CADM2: variants seen among roughly 807,000 people sequenced by gnomAD.
The protein encoded by CADM2 is immunoglobulin superfamily member 4D.
CADM2 carries 12 observed loss-of-function variants against 49.8 expected under a neutral mutation model. The ratio of observed to expected loss-of-function variants is 0.24; its 90% CI spans 0.15 to 0.39. CADM2 has a LOEUF of 0.39. Ranked by LOEUF, CADM2 falls within the 10% of genes least tolerant of loss-of-function variation. The pLI is 1.00. For missense variants in CADM2, 378 were observed against 492.3 expected, an observed-to-expected ratio of 0.77 and a Z score of 2.20; for synonymous variants, 214 against 175.4, an observed-to-expected ratio of 1.22 and a Z score of -1.74.
chr3:85,408,008 A>AC (rs1188160163), intron 1 of CADM2, among the ~76,000 whole-genome samples: 1 of 43,376 alleles, frequency 2.3e-5, no homozygotes, highest in Non-Finnish European at 6.0e-5. Flanking sequence ...ACAAAACAAA[A>AC]CCAAAAAAAA....
At chr3:85,128,962 T>C (rs982260693) in intron 1 of CADM2, among the ~76,000 whole-genome samples, 3 of 152,188 alleles carry the variant, frequency 2.0e-5, no homozygotes, top group African/African-American at 4.8e-5. Flanking sequence ...AAAATAGATA[T>C]ACCTACCAGC....
At chr3:85,776,702 A>T (rs532255755) in intron 2 of CADM2, among the ~76,000 whole-genome samples, 2 of 152,238 alleles carry the variant, frequency 1.3e-5, no homozygotes, top group Non-Finnish European at 2.9e-5. Context: ...CAGAAATGTA[A>T]TATTTCAATA....
intron 1 of CADM2, among the ~76,000 whole-genome samples, chr3:85,567,065 T>G (rs535521019): frequency 5.4e-4 from 83 of 152,332 alleles, no homozygotes; most frequent in Non-Finnish European, 1.1e-3. Flanking sequence ...ATCCAAAATG[T>G]GTCATATTCC....
intron 1 of CADM2, among the ~76,000 whole-genome samples, chr3:85,553,286 C>G (rs1410414039): frequency 3.6e-5 from 1 of 27,914 alleles, no homozygotes; most frequent in African/African-American, 6.6e-5. Context: ...TACTCTAGAT[C>G]TAGTTTATTG....
chr3:85,319,371 G>A (rs1377528962), intron 1 of CADM2, among the ~76,000 whole-genome samples: 1 of 152,128 alleles, frequency 6.6e-6, no homozygotes, highest in Non-Finnish European at 1.5e-5. Context: ...CATCCACTGT[G>A]GAAAGCTGTG....
chr3:85,158,765 A>C (rs1576008808), intron 1 of CADM2, among the ~76,000 whole-genome samples: 1 of 152,088 alleles, frequency 6.6e-6, no homozygotes, highest in South Asian at 2.1e-4. Context: ...TGGGTGCAGC[A>C]CACCAGCATG....
intron 1 of CADM2, among the ~76,000 whole-genome samples, chr3:85,376,161 G>A (rs2033583497): frequency 1.3e-5 from 2 of 151,734 alleles, no homozygotes; most frequent in Admixed American, 6.6e-5. Flanking sequence ...TGTTTTAGGA[G>A]TACTCTTAAA....
At chr3:86,059,612 A>T (rs961720819) in intron 8 of CADM2, among the ~76,000 whole-genome samples, 18 of 152,210 alleles carry the variant, frequency 1.2e-4, no homozygotes, top group African/African-American at 4.1e-4. Context: ...ATGATCTTTA[A>T]CAATACATGA....
intron 1 of CADM2, among the ~76,000 whole-genome samples, chr3:85,352,732 A>G (rs2031469267): frequency 6.6e-6 from 1 of 152,144 alleles, no homozygotes; most frequent in African/African-American, 2.4e-5. Flanking sequence ...TTATGAGTTA[A>G]AAAGAAAATC....
intron 8 of CADM2, among the ~76,000 whole-genome samples, chr3:86,023,466 T>C (rs13062471): frequency 0.28 from 42,042 of 151,844 alleles, 6,881 homozygotes; most frequent in African/African-American, 0.46. Flanking sequence ...TCAAGCAATT[T>C]TCCTGTCTTG....
intron 1 of CADM2, among the ~76,000 whole-genome samples, chr3:85,476,192 A>G (rs1056894601): frequency 2.0e-5 from 3 of 151,988 alleles, no homozygotes; most frequent in Non-Finnish European, 4.4e-5. Context: ...GGTCAAAGTC[A>G]TATAGATATG....
At chr3:85,577,830 G>A (rs1576849799) in intron 1 of CADM2, among the ~76,000 whole-genome samples, 1 of 151,826 alleles carries the variant, frequency 6.6e-6, no homozygotes, top group Admixed American at 6.6e-5. Flanking sequence ...ACCTTTCTGT[G>A]TAACATCAGA....
At chr3:85,045,100 T>C (rs1280631079) in intron 1 of CADM2, among the ~76,000 whole-genome samples, 3 of 152,208 alleles carry the variant, frequency 2.0e-5, no homozygotes, top group Admixed American at 6.6e-5. Flanking sequence ...ACACATGTGA[T>C]GTTGTCATTC....
chr3:85,461,218 A>T (rs1427580537), intron 1 of CADM2, among the ~76,000 whole-genome samples: 1 of 152,050 alleles, frequency 6.6e-6, no homozygotes, highest in African/African-American at 2.4e-5. Context: ...TTTAACACAT[A>T]AAAAGGCTTG....
chr3:85,033,002 T>C (rs1400097224), intron 1 of CADM2, among the ~76,000 whole-genome samples: 1 of 152,126 alleles, frequency 6.6e-6, no homozygotes, highest in African/African-American at 2.4e-5. Context: ...GTTATCATTG[T>C]TTGCATAGAG....
intron 1 of CADM2, among the ~76,000 whole-genome samples, chr3:85,690,303 G>A (rs776524534): frequency 6.6e-6 from 1 of 151,542 alleles, no homozygotes; most frequent in Non-Finnish European, 1.5e-5. Flanking sequence ...GGCCTGAAGA[G>A]AGGTACATTT....
intron 1 of CADM2, among the ~76,000 whole-genome samples, chr3:85,535,575 C>T (rs1175975979): frequency 6.6e-6 from 1 of 152,124 alleles, no homozygotes; most frequent in Non-Finnish European, 1.5e-5. Flanking sequence ...ATGATGCCAT[C>T]CCCTTTGAAG....
intron 1 of CADM2, among the ~76,000 whole-genome samples, chr3:85,332,621 A>G (rs1390576620): frequency 6.6e-6 from 1 of 152,032 alleles, no homozygotes; most frequent in African/African-American, 2.4e-5. Context: ...AATGAAATAT[A>G]CATATATTTA....
chr3:85,913,279 A>T (rs1717863927), intron 6 of CADM2, among the ~76,000 whole-genome samples: 1 of 152,164 alleles, frequency 6.6e-6, no homozygotes. Context: ...AGACAATTAT[A>T]TATACTAATC....
Sources: gnomAD v4.1 joint callset for allele counts (sites outside exome capture counted in the v4.1 genomes callset) on GRCh38, gnomAD v4.1.1 for gene constraint, MANE v1.5 for transcripts, NCBI Gene and HGNC (gene_info 2026-07-23, HGNC 2026-07-21) for gene names.